AGMO: variants seen among roughly 807,000 people sequenced by gnomAD.
AGMO encodes alkylglycerol monooxygenase, also known as glyceryl-ether monooxygenase.
AGMO carries 75 observed loss-of-function variants against 60.2 expected under a neutral mutation model. That is an observed-to-expected ratio of 1.25 (90% CI 1.03 to 1.51). The LOEUF is 1.51. Ranked by LOEUF, AGMO falls within the 40% of genes most tolerant of loss-of-function variation. The probability of loss-of-function intolerance (pLI) is 0.00; values close to 1 mark genes in which losing one functional copy is unlikely to be tolerated. For missense variants in AGMO, 763 were observed against 525.5 expected, an observed-to-expected ratio of 1.45 and a Z score of -4.42; for synonymous variants, 261 against 177.1, an observed-to-expected ratio of 1.47 and a Z score of -3.76.
intron 12 of AGMO, among the ~76,000 whole-genome samples, chr7:15,244,685 A>T (rs887227669): frequency 2.6e-5 from 4 of 151,936 alleles, no homozygotes; most frequent in African/African-American, 9.7e-5. Context: ...GTCGTCTCGC[A>T]CTGTCGCCCA....
chr7:15,365,667 A>G (rs761698886), intron 11 of AGMO, 48 bp from the exon 12 acceptor site: 2 of 1,223,758 alleles, frequency 1.6e-6, no homozygotes, highest in Non-Finnish European at 2.4e-6. Context: ...TATGCTCTTT[A>G]TATGTTCACA....
intron 12 of AGMO, among the ~76,000 whole-genome samples, chr7:15,211,211 TATTG>T (rs1256741695): frequency 5.3e-5 from 8 of 152,036 alleles, no homozygotes; most frequent in Non-Finnish European, 8.8e-5. Context: ...TTTTATTGAG[TATTG>T]ACTTACTTTT....
At position 15,318,780 on chromosome 7, in the gene AGMO, A is replaced by G. The variant is rs368489659; in HGVS notation, c.1263+46734T>C. On this transcript the variant is annotated intron_variant, in intron 12 of 12. Coordinates refer to ENST00000342526, the MANE Select transcript of AGMO (RefSeq NM_001004320.2). ...CTCAATTTTTTTCTTTGTTTTTATC[A>G]ATCCTCTTTTACAGGTTGCCAATTA... Among the ~76,000 whole-genome samples, 40 of 152,238 alleles carry G rather than the reference A, an allele frequency of 2.6e-4. No homozygotes were observed. The South Asian group carries it at 7.3e-3, about 28-fold the overall frequency.
At chr7:15,322,691 TATGA>T (rs1409135396) in intron 12 of AGMO, among the ~76,000 whole-genome samples, 1 of 56,880 alleles carries the variant, frequency 1.8e-5, no homozygotes, top group African/African-American at 1.1e-4. Context: ...TATATAAATA[TATGA>T]ATATGTATAA....
chr7:15,387,904 CT>C (rs11437914), intron 8 of AGMO, among the ~76,000 whole-genome samples: 3,865 of 137,600 alleles, frequency 0.028, 69 homozygotes, highest in Admixed American at 0.042. Flanking sequence ...GACACATTCT[CT>C]TTTTTTTTTT....
At chr7:15,194,434 T>C in the AGMO span, among the ~76,000 whole-genome samples, 1 of 152,140 alleles carries the variant, frequency 6.6e-6, no homozygotes, top group Admixed American at 6.6e-5. Context: ...ATCTGAATAA[T>C]GATGCATTTC....
chr7:15,358,590 A>AG lies in AGMO; in HGVS notation c.1263+6923dup, dbSNP rs1782633982. On this transcript the variant is annotated intron_variant, in intron 12 of 12. Coordinates refer to ENST00000342526, the MANE Select transcript of AGMO (RefSeq NM_001004320.2). ...GCACTCCAAACTCAGTCCCTCCCCA[A>AG]GATAAAAAGACCTTAAACTTCCACT... is the stretch of plus-strand genomic sequence containing the variant. 7 of 342,170 alleles carry AG rather than the reference A, an allele frequency of 2.0e-5. No homozygotes were observed. In the Admixed American group the frequency reaches 2.9e-4, roughly 14 times the overall value. The allele number at this position is 342,170 out of a possible 1,614,324, so 21.2% of individuals were successfully genotyped here.
chr7:15,377,518 T>TA (rs1783501847), intron 10 of AGMO, among the ~76,000 whole-genome samples: 1 of 152,098 alleles, frequency 6.6e-6, no homozygotes, highest in African/African-American at 2.4e-5. Context: ...TAATGGCCAC[T>TA]ATTTCAAATT....
the AGMO span, among the ~76,000 whole-genome samples, chr7:15,136,407 C>T: frequency 7.9e-5 from 12 of 152,150 alleles, no homozygotes; most frequent in Admixed American, 7.9e-4. Flanking sequence ...TGCACTATTC[C>T]ATTTATATAA....
intron 12 of AGMO, among the ~76,000 whole-genome samples, chr7:15,223,314 G>C (rs1781978563): frequency 6.6e-6 from 1 of 151,798 alleles, no homozygotes. Flanking sequence ...ATATCTAAGA[G>C]ACAACTAGCA....
chr7:15,197,221 C>T (rs969335310), downstream of AGMO, among the ~76,000 whole-genome samples: 4 of 151,404 alleles, frequency 2.6e-5, no homozygotes, highest in Non-Finnish European at 5.9e-5. Context: ...AGAACATGGG[C>T]GAGACATTAA....
chr7:15,390,705 T>G lies in AGMO; in HGVS notation c.788A>C (p.His263Pro), dbSNP rs751137550. 4 of 1,610,378 alleles carry G rather than the reference T, an allele frequency of 2.5e-6. No individual in the cohort carries two copies. In the South Asian group the frequency reaches 3.3e-5, roughly 13 times the overall value. Residue 263 changes from histidine (H) to proline (P), a missense_variant, in exon 8 of 13, where the codon CAT becomes CCT. Physicochemically the swap from His to Pro is moderately conservative, Grantham distance 77. Transcript: ENST00000342526. ...ENEKVVYGLT[H>P]PINTFEPIKV... Reference sequence around the variant, plus strand: ...GATTGGTTCAAATGTATTAATGGGATGTGTTAAGCCATATACAACTTTTTC... The same window carrying G: ...GATTGGTTCAAATGTATTAATGGGAGGTGTTAAGCCATATACAACTTTTTC...
In AGMO at chr7:15,387,448, A is replaced by AC. The variant is rs779685567; in HGVS notation, c.914dup (p.Pro306SerfsTer3). The AC allele has an allele frequency of 1.1e-5, 17 of 1,613,838 alleles. No individual in the cohort carries two copies. In the East Asian group the frequency reaches 3.6e-4, roughly 34 times the overall value. ...TGAGACCAAGTCTTGGTTTACCTGG[A>AC]CCCCATCCCGGTCCCTTAAATATGA... On this transcript the variant is annotated frameshift_variant, in exon 9 of 13. Coordinates refer to ENST00000342526, the MANE Select transcript of AGMO (RefSeq NM_001004320.2). LOFTEE classifies it high-confidence loss of function.
In AGMO at chr7:15,557,596, A is replaced by AT. The variant is rs530682271; in HGVS notation, c.257+2544dup. Among the ~76,000 whole-genome samples the AT allele has an allele frequency of 1.3e-3, 201 of 150,092 alleles. 3 individuals carry two copies. The South Asian group carries it at 0.021, about 16-fold the overall frequency. Reference sequence around the variant, plus strand: ...TTTTCTGTTTATATCTGGGTTTGGGATTTTTTTTTAATAGCAAAAAATAAA... The same window carrying AT: ...TTTTCTGTTTATATCTGGGTTTGGGATTTTTTTTTTAATAGCAAAAAATAAA... On this transcript the variant is annotated intron_variant, in intron 2 of 12. Coordinates refer to ENST00000342526, the MANE Select transcript of AGMO (RefSeq NM_001004320.2).
chr7:15,190,856 A>G, the AGMO span, among the ~76,000 whole-genome samples: 31 of 152,230 alleles, frequency 2.0e-4, no homozygotes, highest in East Asian at 5.4e-3. Flanking sequence ...TTTTCACTGA[A>G]GAACCAAAGG....
At chr7:15,368,558 T>G (rs1008693025) in intron 10 of AGMO, among the ~76,000 whole-genome samples, 1 of 152,106 alleles carries the variant, frequency 6.6e-6, no homozygotes, top group African/African-American at 2.4e-5. Flanking sequence ...TTTGGTACAT[T>G]TGAAATAAAA....
At chr7:15,425,095 A>T (rs1024162757) in intron 4 of AGMO, among the ~76,000 whole-genome samples, 2 of 152,176 alleles carry the variant, frequency 1.3e-5, no homozygotes, top group Admixed American at 6.5e-5. Flanking sequence ...CACACTCATA[A>T]ATTAAAGTGA....
At chr7:15,493,375 T>C (rs1378470201) in intron 3 of AGMO, among the ~76,000 whole-genome samples, 1 of 119,868 alleles carries the variant, frequency 8.3e-6, no homozygotes, top group African/African-American at 3.8e-5. Context: ...CTTTTTTTTT[T>C]TTTTTTTTTT....
chr7:15,361,617 A>T (rs976826791), intron 12 of AGMO, among the ~76,000 whole-genome samples: 3 of 151,528 alleles, frequency 2.0e-5, no homozygotes, highest in Non-Finnish European at 4.4e-5. Context: ...TCACCAAATT[A>T]AAAAAAAGAA....
Sources: gnomAD v4.1 joint callset for allele counts (sites outside exome capture counted in the v4.1 genomes callset) on GRCh38, gnomAD v4.1.1 for gene constraint, MANE v1.5 for transcripts, NCBI Gene and HGNC (gene_info 2026-07-23, HGNC 2026-07-21) for gene names.